Variants in MIPOL1 observed in about 807,000 individuals in gnomAD.
MIPOL1 encodes mirror-image polydactyly gene 1 protein.
In MIPOL1, 57 loss-of-function variants were observed where a neutral mutation model predicts 60.9. The ratio of observed to expected loss-of-function variants is 0.94; its 90% CI spans 0.76 to 1.17. The LOEUF (loss-of-function observed/expected upper bound fraction) is 1.17. Ranked by LOEUF, MIPOL1 falls within the 50% of genes most tolerant of loss-of-function variation. MIPOL1 has a pLI of 0.00. For synonymous variants in MIPOL1, 179 were observed against 168.8 expected (o/e 1.06, Z -0.47); for missense variants, 551 against 511.6 (o/e 1.08, Z -0.74).
chr14:37,470,465 T>C (rs1308913670), intron 11 of MIPOL1, among the ~76,000 whole-genome samples: 1 of 152,086 alleles, frequency 6.6e-6, no homozygotes, highest in Non-Finnish European at 1.5e-5. Context: ...GACACCTGTT[T>C]GTTTTAAAGT....
intron 11 of MIPOL1, among the ~76,000 whole-genome samples, chr14:37,448,981 A>G (rs1486997595): frequency 6.6e-6 from 1 of 152,180 alleles, no homozygotes; most frequent in Admixed American, 6.5e-5. Flanking sequence ...ACAACTCTTC[A>G]AACATTTCTA....
intron 12 of MIPOL1, among the ~76,000 whole-genome samples, chr14:37,500,865 C>A (rs138815473): frequency 7.9e-5 from 12 of 152,090 alleles, no homozygotes; most frequent in Non-Finnish European, 1.6e-4. Context: ...TATATTTTAA[C>A]CTTCTTTATG....
intron 3 of MIPOL1, among the ~76,000 whole-genome samples, chr14:37,250,824 T>A (rs1262371778): frequency 5.3e-5 from 8 of 152,164 alleles, no homozygotes; most frequent in Non-Finnish European, 1.0e-4. Context: ...ATGCCTTTAT[T>A]TCATCTTACA....
chr14:37,201,396 A>G (rs140537053), intron 1 of MIPOL1, among the ~76,000 whole-genome samples: 1 of 152,358 alleles, frequency 6.6e-6, no homozygotes, highest in Non-Finnish European at 1.5e-5. Context: ...GTAAGAAGTG[A>G]GAAAAGAAAG....
chr14:37,304,286 T>C (rs2086595224), intron 7 of MIPOL1, among the ~76,000 whole-genome samples: 1 of 151,784 alleles, frequency 6.6e-6, no homozygotes, highest in Non-Finnish European at 1.5e-5. Context: ...TGTCTTATTC[T>C]GCCTCTCTCT....
chr14:37,515,176 T>C (rs949088713), intron 12 of MIPOL1, among the ~76,000 whole-genome samples: 1 of 152,140 alleles, frequency 6.6e-6, no homozygotes, highest in Non-Finnish European at 1.5e-5. Context: ...GAAAAAACTT[T>C]CCATAACAAT....
At chr14:37,320,149 G>A (rs1035904003) in intron 9 of MIPOL1, among the ~76,000 whole-genome samples, 1 of 152,064 alleles carries the variant, frequency 6.6e-6, no homozygotes, top group Non-Finnish European at 1.5e-5. Flanking sequence ...GCGGGCCTTA[G>A]CATTTATTTA....
At chr14:37,457,089 T>C (rs1441843589) in intron 11 of MIPOL1, among the ~76,000 whole-genome samples, 1 of 152,144 alleles carries the variant, frequency 6.6e-6, no homozygotes, top group Non-Finnish European at 1.5e-5. Flanking sequence ...AAAGATAAAA[T>C]TTGAAATAAA....
chr14:37,206,038 A>G (rs1273012411), intron 1 of MIPOL1, among the ~76,000 whole-genome samples: 2 of 152,188 alleles, frequency 1.3e-5, no homozygotes, highest in African/African-American at 4.8e-5. Flanking sequence ...CTGAGGAGAA[A>G]TTCAAGCCAG....
At chr14:37,355,088 T>G (rs1448988310) in intron 9 of MIPOL1, among the ~76,000 whole-genome samples, 1 of 148,978 alleles carries the variant, frequency 6.7e-6, no homozygotes, top group Admixed American at 6.8e-5. Context: ...AGGAGCTCTT[T>G]TAGGGCAGGC....
intron 10 of MIPOL1, among the ~76,000 whole-genome samples, chr14:37,407,813 C>CTTTATTT (rs2093613150): frequency 8.3e-6 from 1 of 120,270 alleles, no homozygotes; most frequent in African/African-American, 3.0e-5. Flanking sequence ...TCCCAGTATG[C>CTTTATTT]TTTATTTTTT....
In MIPOL1 at chr14:37,542,358, A is replaced by G. The variant is rs149757915; in HGVS notation, c.1263-4547A>G. Reference sequence around the variant, plus strand: ...CTTCCTCCCTCTCTTCTCCTTTTTTATTTCTTCTCTCTCTAAACATTTCCA... The same window carrying G: ...CTTCCTCCCTCTCTTCTCCTTTTTTGTTTCTTCTCTCTCTAAACATTTCCA... On this transcript the variant is annotated intron_variant, in intron 12 of 12. Transcript: ENST00000684589. Among the ~76,000 whole-genome samples the G allele has an allele frequency of 9.9e-3, 1,490 of 149,786 alleles. 15 individuals carry two copies. The highest frequency in any genetic ancestry group is 0.018 in the Admixed American group (266 of 15,062).
At chr14:37,518,059 A>G (rs914219260) in intron 12 of MIPOL1, among the ~76,000 whole-genome samples, 1 of 152,244 alleles carries the variant, frequency 6.6e-6, no homozygotes, top group East Asian at 1.9e-4. Flanking sequence ...TAAGATACAG[A>G]AAAGTATCTT....
At chr14:37,391,327 A>G (rs1184223284) in intron 10 of MIPOL1, among the ~76,000 whole-genome samples, 1 of 152,186 alleles carries the variant, frequency 6.6e-6, no homozygotes, top group Non-Finnish European at 1.5e-5. Flanking sequence ...ACAGAAATGT[A>G]AGAAGGAATT....
Position 37,333,066 on chromosome 14 carries a change from C to A in MIPOL1, c.828+24547C>A, listed in dbSNP as rs551579748. On this transcript the variant is annotated intron_variant, in intron 9 of 12. Transcript: ENST00000684589. ...ACAGATAATTTTATGCAGTTATGATCTAATACTATTAGGTCAGTGCAAAAG... is the reference window on the plus strand; with the variant it reads ...ACAGATAATTTTATGCAGTTATGATATAATACTATTAGGTCAGTGCAAAAG... 4.6e-5 allele frequency among the ~76,000 whole-genome samples: 7 copies of A among 152,216 alleles called. No individual in the cohort carries two copies. The South Asian group carries it at 1.2e-3, about 27-fold the overall frequency.
At chr14:37,394,789 T>C (rs1171444659) in intron 10 of MIPOL1, among the ~76,000 whole-genome samples, 1 of 152,196 alleles carries the variant, frequency 6.6e-6, no homozygotes, top group Admixed American at 6.5e-5. Context: ...ACTATTTATT[T>C]TTGTTTTTAT....
intron 11 of MIPOL1, among the ~76,000 whole-genome samples, chr14:37,480,012 C>A (rs931157871): frequency 1.3e-5 from 2 of 151,988 alleles, no homozygotes; most frequent in East Asian, 3.9e-4. Context: ...CTAAACAGAC[C>A]AGTAATGACT....
intron 11 of MIPOL1, among the ~76,000 whole-genome samples, chr14:37,435,090 A>G (rs938959177): frequency 6.6e-6 from 1 of 152,152 alleles, no homozygotes; most frequent in Non-Finnish European, 1.5e-5. Context: ...TCAACCCTGT[A>G]GGTATTTAAT....
In MIPOL1 at chr14:37,270,481, T is replaced by G. The variant is rs1321478177; in HGVS notation, c.449T>G (p.Leu150Arg). The change falls in exon 6 of 13, where the codon CTC becomes CGC. Residue 150 changes from leucine to arginine, a missense_variant. Leu to Arg is a moderately radical substitution (Grantham distance 102). Transcript: ENST00000684589. ...AGAAAACTAAAGTTTAAGCTGGAAC[T>G]CCAAGAGAAAGAAACAGAAGCTAAA... ...EQRKLKFKLELQEKETEAKIA... is the reference protein window; with the variant it reads ...EQRKLKFKLERQEKETEAKIA... 6.2e-7 allele frequency: 1 copy of G among 1,600,840 alleles called. No homozygotes were observed.
Sources: allele counts gnomAD v4.1 joint callset (sites outside exome capture counted in the v4.1 genomes callset), GRCh38; gene constraint gnomAD v4.1.1; transcripts MANE v1.5; gene names NCBI Gene and HGNC (gene_info 2026-07-23, HGNC 2026-07-21).